The following EPHB1 variants were observed in gnomAD, a reference collection of about 807,000 sequenced individuals.
EPHB1 encodes the protein EPH receptor B1, also known as ephrin type-B receptor 1.
EPHB1 carries 30 observed loss-of-function variants against 94.4 expected under a neutral mutation model. The observed-to-expected ratio is 0.32, with a 90% CI of 0.24 to 0.43. The LOEUF (loss-of-function observed/expected upper bound fraction) is 0.43, where lower values mean the gene tolerates loss of function less well. Among genes scored for constraint, EPHB1 ranks in the 20% least tolerant of loss-of-function variants. The probability of loss-of-function intolerance (pLI) is 1.00; values close to 1 mark genes in which losing one functional copy is unlikely to be tolerated. For synonymous variants in EPHB1, 522 were observed against 489.1 expected (o/e 1.07, Z -0.89); for missense variants, 1,055 against 1,308.3 (o/e 0.81, Z 2.99).
intron 1 of EPHB1, among the ~76,000 whole-genome samples, chr3:134,826,013 A>T (rs930695550): frequency 2.0e-5 from 3 of 151,240 alleles, no homozygotes. Flanking sequence ...AGGCTGAGGC[A>T]GGTGGATCAC....
intron 11 of EPHB1, among the ~76,000 whole-genome samples, chr3:135,194,337 TC>T (rs1460930754): frequency 6.6e-6 from 1 of 152,172 alleles, no homozygotes; most frequent in Non-Finnish European, 1.5e-5. Context: ...ATACTTTTTT[TC>T]CCCATAAGTT....
intron 1 of EPHB1, among the ~76,000 whole-genome samples, chr3:134,857,341 G>A (rs559427241): frequency 6.6e-6 from 1 of 152,244 alleles, no homozygotes; most frequent in East Asian, 1.9e-4. Flanking sequence ...TCTTCCCTGA[G>A]CCTGGGCTTC....
At chr3:134,984,494 T>G (rs1462573095) in intron 3 of EPHB1, among the ~76,000 whole-genome samples, 2 of 152,124 alleles carry the variant, frequency 1.3e-5, no homozygotes, top group Non-Finnish European at 2.9e-5. Context: ...ACAGAATATT[T>G]AAAACTCTTC....
At chr3:135,225,331 G>A (rs1203833652) in intron 12 of EPHB1, among the ~76,000 whole-genome samples, 2 of 152,304 alleles carry the variant, frequency 1.3e-5, no homozygotes, top group Non-Finnish European at 1.5e-5. Flanking sequence ...GGCCCGATGG[G>A]AAGGCTTTTG....
At chr3:135,180,408 A>C (rs1942122387) in intron 10 of EPHB1, among the ~76,000 whole-genome samples, 1 of 152,242 alleles carries the variant, frequency 6.6e-6, no homozygotes, top group Non-Finnish European at 1.5e-5. Flanking sequence ...TCCTATGTAC[A>C]TGAATTTGAA....
At chr3:134,916,037 G>A (rs559953831) in intron 1 of EPHB1, among the ~76,000 whole-genome samples, 78 of 152,182 alleles carry the variant, frequency 5.1e-4, no homozygotes, top group South Asian at 1.2e-3. Flanking sequence ...TGATTGGTCC[G>A]TTTTGACAGG....
intron 1 of EPHB1, among the ~76,000 whole-genome samples, 156 bp from the exon 2 acceptor site, chr3:134,925,660 G>A (rs946919430): frequency 1.3e-5 from 2 of 152,054 alleles, no homozygotes; most frequent in Non-Finnish European, 2.9e-5. Flanking sequence ...TCTGAGCCTT[G>A]GGCTTCACAG....
At chr3:134,874,204 A>G (rs1356306249) in intron 1 of EPHB1, among the ~76,000 whole-genome samples, 1 of 152,258 alleles carries the variant, frequency 6.6e-6, no homozygotes, top group Non-Finnish European at 1.5e-5. Flanking sequence ...GAATGAGATC[A>G]TGTCCTTTGT....
At chr3:135,199,540 C>T (rs1049888869) in intron 11 of EPHB1, among the ~76,000 whole-genome samples, 4 of 152,202 alleles carry the variant, frequency 2.6e-5, no homozygotes, top group Non-Finnish European at 5.9e-5. Context: ...AGCATACATT[C>T]AATCTCCTGG....
intron 1 of EPHB1, among the ~76,000 whole-genome samples, chr3:134,863,943 A>G (rs1381299105): frequency 6.6e-6 from 1 of 152,200 alleles, no homozygotes; most frequent in Non-Finnish European, 1.5e-5. Context: ...AGTAATTTTC[A>G]TCAGGGAGGC....
At chr3:134,938,288 G>A (rs1336111750) in intron 2 of EPHB1, among the ~76,000 whole-genome samples, 1 of 152,206 alleles carries the variant, frequency 6.6e-6, no homozygotes, top group Non-Finnish European at 1.5e-5. Context: ...TGCCCCAGGG[G>A]TGTATAGATA....
intron 4 of EPHB1, among the ~76,000 whole-genome samples, chr3:135,114,537 TAAAAAAAA>T (rs56100882): frequency 1.3e-4 from 5 of 37,220 alleles, no homozygotes; most frequent in East Asian, 9.3e-4. Flanking sequence ...CTGTCTCTAC[TAAAAAAAA>T]AAAAAAAAAA....
intron 3 of EPHB1, among the ~76,000 whole-genome samples, chr3:134,979,679 T>C (rs1250578802): frequency 1.3e-5 from 2 of 152,128 alleles, no homozygotes; most frequent in Admixed American, 1.3e-4. Context: ...AGAAACCATA[T>C]AGATTAAACT....
At chr3:134,913,139 G>T (rs560071831) in intron 1 of EPHB1, among the ~76,000 whole-genome samples, 1 of 152,258 alleles carries the variant, frequency 6.6e-6, no homozygotes, top group South Asian at 2.1e-4. Flanking sequence ...AGTCGCCCCC[G>T]TCCATCAGTG....
At chr3:135,114,735 A>AAATG (rs1553736212) in intron 4 of EPHB1, among the ~76,000 whole-genome samples, 1 of 125,430 alleles carries the variant, frequency 8.0e-6, no homozygotes, top group Non-Finnish European at 1.7e-5. Flanking sequence ...ATAGATAAAT[A>AAATG]AATAAATAAA....
Position 135,259,182 on chromosome 3 carries a change from G to C in EPHB1, c.*62G>C. 1 of 1,297,030 alleles carries C rather than the reference G, an allele frequency of 7.7e-7. No individual in the cohort carries two copies. The highest frequency in any genetic ancestry group is 1.1e-6 in the Non-Finnish European group (1 of 915,342). The allele number at this position is 1,297,030 out of a possible 1,614,324, so 80.3% of individuals were successfully genotyped here. ...GGACCAGGGTCAAGGGGGACCAGAG[G>C]TTGACCACTGTGGAATGTACTGGAG... is the stretch of plus-strand genomic sequence containing the variant. On this transcript the variant is annotated 3_prime_UTR_variant, in exon 16 of 16. Transcript: ENST00000398015.
chr3:134,975,106 T>C (rs1392360012), intron 3 of EPHB1, among the ~76,000 whole-genome samples: 1 of 152,202 alleles, frequency 6.6e-6, no homozygotes, highest in Non-Finnish European at 1.5e-5. Flanking sequence ...GGCATTGATT[T>C]TTCTGGGAGA....
intron 1 of EPHB1, among the ~76,000 whole-genome samples, chr3:134,889,284 CTTTTTT>C (rs151337998): frequency 4.0e-5 from 6 of 148,582 alleles, no homozygotes; most frequent in Non-Finnish European, 9.0e-5. Flanking sequence ...GAAAGTATCT[CTTTTTT>C]TTTTAGTAGA....
At chr3:135,038,318 A>G (rs1480428508) in intron 3 of EPHB1, among the ~76,000 whole-genome samples, 1 of 152,226 alleles carries the variant, frequency 6.6e-6, no homozygotes, top group Non-Finnish European at 1.5e-5. Context: ...GACTGTGGCA[A>G]AAGTAACACT....
Sources: allele counts gnomAD v4.1 joint callset (sites outside exome capture counted in the v4.1 genomes callset), GRCh38; gene constraint gnomAD v4.1.1; transcripts MANE v1.5; gene names NCBI Gene and HGNC (gene_info 2026-07-23, HGNC 2026-07-21).